Variants in BRWD1 observed in about 807,000 individuals in gnomAD.
BRWD1 encodes the protein bromodomain and WD repeat-containing protein 1.
In BRWD1, 82 loss-of-function variants were observed where a neutral mutation model predicts 251.2. The ratio of observed to expected loss-of-function variants is 0.33; its 90% CI spans 0.27 to 0.39. The LOEUF (loss-of-function observed/expected upper bound fraction) is 0.39, where lower values mean the gene tolerates loss of function less well. BRWD1 is among the 10% of genes least tolerant of loss of function. BRWD1 has a pLI of 1.00. For missense variants in BRWD1, 2,233 were observed against 2,711.6 expected, an observed-to-expected ratio of 0.82 and a Z score of 3.92; for synonymous variants, 918 against 902.8, an observed-to-expected ratio of 1.02 and a Z score of -0.30.
At chr21:39,274,541 C>T in intron 12 of BRWD1, 69 bp from the exon 13 acceptor site, 1 of 1,223,542 alleles carries the variant, frequency 8.2e-7, no homozygotes, top group Non-Finnish European at 1.2e-6. Context: ...ATTAAAATCA[C>T]ATGCAAAAAA....
Position 39,270,027 on chromosome 21 carries a change from C to A in BRWD1, c.1402G>T (p.Ala468Ser), listed in dbSNP as rs763106657. Residue 468 changes from alanine to serine, a missense_variant, in exon 15 of 41, where the codon GCT becomes TCT. Coordinates refer to ENST00000342449, the MANE Select transcript of BRWD1 (RefSeq NM_033656.4). The stretch of plus-strand genomic sequence containing the variant: ...GTCTCCAGAACAAATACTTCATCAG[C>A]ATGTCCCTTTATTTAACAAAGTCAT... ...GQLLHNLMGH[A>S]DEVFVLETHP... 3.2e-6 allele frequency: 5 copies of A among 1,563,476 alleles called. No homozygotes were observed. The highest frequency in any genetic ancestry group is 3.8e-5 in the Admixed American group (2 of 52,140).
At chr21:39,280,376 A>C (rs966972347) in intron 8 of BRWD1, 128 bp from the exon 9 acceptor site, 1 of 674,974 alleles carries the variant, frequency 1.5e-6, no homozygotes, top group Admixed American at 3.3e-5. Context: ...AATATAGGTA[A>C]TACTACCGTA....
In BRWD1 at chr21:39,258,626, A is replaced by G. The variant is rs2034638855; in HGVS notation, c.1932T>C (p.Asp644=). The G allele has an allele frequency of 1.9e-6, 3 of 1,611,168 alleles. No individual in the cohort carries two copies. Among genetic ancestry groups the G allele is most frequent in the Non-Finnish European group, 2.5e-6 (3 of 1,178,432 alleles). The change falls in exon 18 of 41, where the codon GAT becomes GAC. Residue 644 remains aspartate, a synonymous_variant. Transcript: ENST00000342449. ...TCGATTCTGGGCTGCGTTCATCATT[A>G]TCATTGGTTTGCAGGCTTATAATTT... ...IEQIISLQTN[D]NDERSPESSI...
In BRWD1 at chr21:39,296,303, G is replaced by C. The variant is rs1309075439; in HGVS notation, c.410C>G (p.Pro137Arg). 1 of 1,601,906 alleles carries C rather than the reference G, an allele frequency of 6.2e-7. No homozygotes were observed. The highest frequency in any genetic ancestry group is 8.5e-7 in the Non-Finnish European group (1 of 1,175,386). Reference protein sequence around the residue: ...AFAALHRGRPPEMPVNYGSPP... With the variant: ...AFAALHRGRPREMPVNYGSPP... ...GGAACCATAATTCACTGGCATTTCA[G>C]GAGGTCTTCCTCTATGAAGAGCAGC... The change falls in exon 6 of 41, where the codon CCT (proline) becomes CGT (arginine). Residue 137 changes from proline (P) to arginine (R), a missense_variant. Transcript: ENST00000342449.
Position 39,187,281 on chromosome 21 carries a change from AGT to A in BRWD1, c.*8976_*8977del. ...TTATCTTTATTTTATTTGCAGCAAC[AGT>A]AGCACATCTGCGGGGAACTTTCTCA... On this transcript the variant is annotated 3_prime_UTR_variant, in exon 41 of 41. Transcript: ENST00000342449. 1 of 1,614,048 alleles carries A rather than the reference AGT, an allele frequency of 6.2e-7. No homozygotes were observed. The highest frequency in any genetic ancestry group is 1.1e-5 in the South Asian group (1 of 91,066).
chr21:39,267,176 T>A (rs2836967), intron 15 of BRWD1, among the ~76,000 whole-genome samples: 1 of 151,836 alleles, frequency 6.6e-6, no homozygotes, highest in African/African-American at 2.4e-5. Flanking sequence ...ATCATACTAT[T>A]TAAAATGTTT....
At chr21:39,296,399 A>G in intron 5 of BRWD1, 36 bp from the exon 6 acceptor site, 1 of 1,516,394 alleles carries the variant, frequency 6.6e-7, no homozygotes, top group Non-Finnish European at 8.8e-7. Flanking sequence ...TAAAATCTTG[A>G]AAGTTAACCC....
chr21:39,264,756 T>C (rs2034867653), intron 16 of BRWD1, 71 bp from the exon 17 acceptor site: 1 of 1,489,526 alleles, frequency 6.7e-7, no homozygotes, highest in Non-Finnish European at 9.1e-7. Context: ...TATTAAACAG[T>C]TAATTAAAAC....
chr21:39,238,400 C>T (rs930863752), intron 22 of BRWD1, 79 bp downstream of exon 22: 14 of 1,210,010 alleles, frequency 1.2e-5, no homozygotes, highest in Non-Finnish European at 1.7e-5. Flanking sequence ...ATTCTTGCCT[C>T]TTGAATAAAA....
Position 39,190,057 on chromosome 21 carries a change from T to C in BRWD1, c.*6202A>G. 2.0e-6 allele frequency: 2 copies of C among 985,408 alleles called. No homozygotes were observed. Among genetic ancestry groups the C allele is most frequent in the South Asian group, 9.4e-5 (2 of 21,290 alleles). The allele number at this position is 985,408 out of a possible 1,614,324, so 61.0% of individuals were successfully genotyped here. On this transcript the variant is annotated 3_prime_UTR_variant, in exon 41 of 41. Coordinates refer to ENST00000342449, the MANE Select transcript of BRWD1 (RefSeq NM_033656.4). ...GTAGTGTAAAACTGTACATCTGTAGTAGCACTCCATGATCATTTCCCTGGA... is the reference window on the plus strand; with the variant it reads ...GTAGTGTAAAACTGTACATCTGTAGCAGCACTCCATGATCATTTCCCTGGA...
At chr21:39,238,387 C>A in intron 22 of BRWD1, 92 bp downstream of exon 22, 1 of 1,025,368 alleles carries the variant, frequency 9.8e-7, no homozygotes, top group Non-Finnish European at 1.5e-6. Context: ...TCCACAGTTG[C>A]AAATTCTTGC....
chr21:39,264,306 A>T (rs2146652709), intron 17 of BRWD1, among the ~76,000 whole-genome samples, 154 bp downstream of exon 17: 1 of 152,154 alleles, frequency 6.6e-6, no homozygotes, highest in South Asian at 2.1e-4. Flanking sequence ...CCAGAAGTTA[A>T]ATGGTTCAAA....
At chr21:39,223,479 T>C (rs948403542) in intron 29 of BRWD1, among the ~76,000 whole-genome samples, 1 of 151,798 alleles carries the variant, frequency 6.6e-6, no homozygotes, top group African/African-American at 2.4e-5. Flanking sequence ...AGATATAGAG[T>C]ACCCTTTCAA....
intron 4 of BRWD1, 88 bp downstream of exon 4, chr21:39,312,753 C>A: frequency 1.8e-6 from 2 of 1,105,876 alleles, no homozygotes; most frequent in Non-Finnish European, 2.6e-6. Flanking sequence ...ACTTTGCACC[C>A]CACGGGCCGG....
At chr21:39,246,182 G>C (rs1049639828) in intron 21 of BRWD1, among the ~76,000 whole-genome samples, 1 of 151,976 alleles carries the variant, frequency 6.6e-6, no homozygotes, top group Admixed American at 6.6e-5. Flanking sequence ...ACTGTATCCA[G>C]AACATATAAA....
Position 39,270,265 on chromosome 21 carries a change from G to T in BRWD1, c.1395+18C>A, listed in dbSNP as rs117542360. ...TTCAAAAAATCTCATTTGTTACACT[G>T]TACCAGAAATTACCTACCATTAAGT... On this transcript the variant is annotated intron_variant, in intron 14 of 40. Coordinates refer to ENST00000342449, the MANE Select transcript of BRWD1 (RefSeq NM_033656.4). 2 of 1,540,460 alleles carry T rather than the reference G, an allele frequency of 1.3e-6. No homozygotes were observed. Among genetic ancestry groups the T allele is most frequent in the Non-Finnish European group, 8.7e-7 (1 of 1,145,390 alleles).
Position 39,192,124 on chromosome 21 carries a change from G to T in BRWD1, c.*4135C>A. ...TAACAATATATTAGGAACCAGCTTG[G>T]CAGATTATGAAAAAGGTAAAAATCT... On this transcript the variant is annotated 3_prime_UTR_variant, in exon 41 of 41. Coordinates refer to ENST00000342449, the MANE Select transcript of BRWD1 (RefSeq NM_033656.4). The T allele has an allele frequency of 1.0e-6, 1 of 984,938 alleles. No homozygotes were observed. 61.0% of individuals were successfully genotyped at this position (984,938 alleles called of 1,614,324 possible).
rs2031381956 is a variant in BRWD1, at chr21:39,188,665, G to C, written c.*7594C>G. The C allele has an allele frequency of 5.1e-6, 5 of 985,388 alleles. No individual in the cohort carries two copies. The highest frequency in any genetic ancestry group is 6.0e-6 in the Non-Finnish European group (5 of 829,912). The allele number at this position is 985,388 out of a possible 1,614,324, so 61.0% of individuals were successfully genotyped here. On this transcript the variant is annotated 3_prime_UTR_variant, in exon 41 of 41. Transcript: ENST00000342449. Reference sequence around the variant, plus strand: ...AATGAGGCAGGCCTCTGCCCTCACAGTGCAAGCACTTCAGATTTTTCCCTA... The same window carrying C: ...AATGAGGCAGGCCTCTGCCCTCACACTGCAAGCACTTCAGATTTTTCCCTA...
At chr21:39,265,122 A>G (rs1017968736) in intron 15 of BRWD1, 103 bp from the exon 16 acceptor site, 46 of 368,296 alleles carry the variant, frequency 1.2e-4, no homozygotes, top group South Asian at 2.3e-4. Flanking sequence ...ATCCCTTCTG[A>G]AAAAAAAAAA....
Sources: allele counts gnomAD v4.1 joint callset (sites outside exome capture counted in the v4.1 genomes callset), GRCh38; gene constraint gnomAD v4.1.1; transcripts MANE v1.5; gene names NCBI Gene and HGNC (gene_info 2026-07-23, HGNC 2026-07-21).